Variants in NFKBIZ observed in about 807,000 individuals in gnomAD.
NFKBIZ encodes NF-kappa-B inhibitor zeta.
Under a neutral mutation model 76.8 loss-of-function variants are expected in NFKBIZ, and 19 were observed. The ratio of observed to expected loss-of-function variants is 0.25; its 90% confidence interval spans 0.17 to 0.36. The LOEUF (loss-of-function observed/expected upper bound fraction) is 0.36, where lower values mean the gene tolerates loss of function less well. Ranked by LOEUF, NFKBIZ falls within the 10% of genes least tolerant of loss-of-function variation. The probability of loss-of-function intolerance (pLI) is 1.00; values close to 1 mark genes in which losing one functional copy is unlikely to be tolerated. For missense variants in NFKBIZ, 829 were observed against 910.9 expected (o/e 0.91, Z 1.16); for synonymous variants, 368 against 354.8 (o/e 1.04, Z -0.42).
upstream of NFKBIZ, among the ~76,000 whole-genome samples, chr3:101,845,673 A>G (rs554626172): frequency 3.3e-5 from 5 of 152,354 alleles, no homozygotes; most frequent in African/African-American, 7.2e-5. Context: ...AATTGACACC[A>G]TAAAACTAAA....
Position 101,849,521 on chromosome 3 carries a change from C to G in NFKBIZ, c.-108C>G. On this transcript the variant is annotated 5_prime_UTR_variant, in exon 1 of 12. Transcript: ENST00000326172. ...CAGTCCCGCGCCGCGCCCGTACTGGCCCGCGCCGTCCGCCCGCCGACAGCT... is the reference window on the plus strand; with the variant it reads ...CAGTCCCGCGCCGCGCCCGTACTGGGCCGCGCCGTCCGCCCGCCGACAGCT... 1.0e-6 allele frequency: 1 copy of G among 1,004,476 alleles called. No individual in the cohort carries two copies. The allele number at this position is 1,004,476 out of a possible 1,614,324, so 62.2% of individuals were successfully genotyped here. A position where few individuals can be genotyped will look rare whatever the true frequency, so the allele number is the denominator to read the frequency against.
In NFKBIZ at chr3:101,856,131, A is replaced by T. The variant is rs184361115; in HGVS notation, c.1824+229A>T. The T allele has an allele frequency of 4.1e-3, 1,099 of 269,754 alleles. 9 individuals are homozygous for T. The highest frequency in any genetic ancestry group is 4.5e-3 in the Non-Finnish European group (636 of 141,408). 16.7% of individuals were successfully genotyped at this position (269,754 alleles called of 1,614,324 possible). A position where few individuals can be genotyped will look rare whatever the true frequency, so the allele number is the denominator to read the frequency against. On this transcript the variant is annotated intron_variant, in intron 9 of 11. Transcript: ENST00000326172. ...AGTGGTGCGATCTTGGCTCACTGCAACCTCCGACTCCCTGGTTCAAGCGAT... is the reference window on the plus strand; with the variant it reads ...AGTGGTGCGATCTTGGCTCACTGCATCCTCCGACTCCCTGGTTCAAGCGAT...
Position 101,854,644 on chromosome 3 carries a change from T to C in NFKBIZ, c.1404T>C (p.Asn468=). 1.2e-6 allele frequency: 2 copies of C among 1,614,012 alleles called. No individual in the cohort carries two copies. Among genetic ancestry groups the C allele is most frequent in the South Asian group, 1.1e-5 (1 of 91,076 alleles). ...ALSYVLARKM[N]ALHMLDIKEH... is the part of the protein sequence containing the mutation. Reference sequence around the variant, plus strand: ...CCTATGTTCTTGCAAGAAAGATGAATGCACTTCACATGCTGGATATTAAAG... The same window carrying C: ...CCTATGTTCTTGCAAGAAAGATGAACGCACTTCACATGCTGGATATTAAAG... Residue 468 remains asparagine, a synonymous_variant, in exon 6 of 12, where the codon AAT becomes AAC. Coordinates refer to ENST00000326172, the MANE Select transcript of NFKBIZ (RefSeq NM_031419.4).
chr3:101,830,657 A>G (rs1277524677), intron 2 of NFKBIZ, among the ~76,000 whole-genome samples: 1 of 152,152 alleles, frequency 6.6e-6, no homozygotes, highest in African/African-American at 2.4e-5. Flanking sequence ...ACATGATTCT[A>G]TTCTTTTTTA....
Position 101,857,440 on chromosome 3 carries a change from A to G in NFKBIZ, c.2084A>G (p.Asp695Gly). The part of the protein sequence containing the change: ...ENEQPVHLVP[D>G]GPVGEQIRRI... ...GAACAGCCAGTGCATTTGGTTCCCG[A>G]TGGCCCTGTGGGAGAACAGGTGAGA... The change falls in exon 11 of 12, where the codon GAT (aspartate) becomes GGT (glycine). Residue 695 changes from aspartate (D) to glycine (G), a missense_variant. Asp to Gly is a moderately conservative substitution (Grantham distance 94, BLOSUM62 -1). Coordinates refer to ENST00000326172, the MANE Select transcript of NFKBIZ (RefSeq NM_031419.4). The G allele has an allele frequency of 6.2e-7, 1 of 1,614,178 alleles. No homozygotes were observed. Among genetic ancestry groups the G allele is most frequent in the Non-Finnish European group, 8.5e-7 (1 of 1,180,044 alleles).
chr3:101,854,528 C>CT lies in NFKBIZ; in HGVS notation c.1338-48dup, dbSNP rs560489637. 1.3e-4 allele frequency: 126 copies of CT among 970,612 alleles called. 2 individuals are homozygous for CT. The South Asian group carries it at 1.4e-3, about 11-fold the overall frequency. 60.1% of individuals were successfully genotyped at this position (970,612 alleles called of 1,614,324 possible). ...TTTTTTTTTTTTTTCAAAAGAACAA[C>CT]TTAGTGAAATCAGAAGTGATTCACC... is the stretch of plus-strand genomic sequence containing the variant. On this transcript the variant is annotated intron_variant, in intron 5 of 11. Coordinates refer to ENST00000326172, the MANE Select transcript of NFKBIZ (RefSeq NM_031419.4).
At chr3:101,858,503 C>T (rs924603375) in intron 11 of NFKBIZ, 5 of 901,028 alleles carry the variant, frequency 5.5e-6, no homozygotes, top group Non-Finnish European at 5.3e-6. Context: ...TATAACTATG[C>T]TCTCAGGGAT....
intron 3 of NFKBIZ, 49 bp downstream of exon 3, chr3:101,852,817 A>G: frequency 6.2e-7 from 1 of 1,603,442 alleles, no homozygotes; most frequent in Non-Finnish European, 8.5e-7. Flanking sequence ...GGAGTAAATA[A>G]TAGAGTGTAA....
At chr3:101,841,472 TG>T (rs1159859608) in intron 2 of NFKBIZ, among the ~76,000 whole-genome samples, 2 of 152,202 alleles carry the variant, frequency 1.3e-5, no homozygotes, top group Admixed American at 6.5e-5. Flanking sequence ...AGTGTTTGTC[TG>T]AGGTACCGCT....
intron 2 of NFKBIZ, among the ~76,000 whole-genome samples, chr3:101,841,018 T>G (rs936431554): frequency 1.4e-4 from 22 of 152,232 alleles, no homozygotes; most frequent in African/African-American, 5.3e-4. Flanking sequence ...ATACAGTACT[T>G]AACGGGGTAT....
At position 101,854,325 on chromosome 3, in the gene NFKBIZ, A is replaced by T. The variant is rs541348407; in HGVS notation, c.1338-253A>T. On this transcript the variant is annotated intron_variant, in intron 5 of 11. Coordinates refer to ENST00000326172, the MANE Select transcript of NFKBIZ (RefSeq NM_031419.4). ...GTATAGGGGTTTTATGAGTATTAAAAATAATAGATTTAAGTTGATCAGTAT... is the reference window on the plus strand; with the variant it reads ...GTATAGGGGTTTTATGAGTATTAAATATAATAGATTTAAGTTGATCAGTAT... 2.6e-3 allele frequency among the ~76,000 whole-genome samples: 401 copies of T among 152,276 alleles called. 1 individual carries two copies. The highest frequency in any genetic ancestry group is 5.4e-3 in the South Asian group (26 of 4,828).
At chr3:101,851,886 A>G (rs1355181777) in intron 1 of NFKBIZ, among the ~76,000 whole-genome samples, 199 bp from the exon 2 acceptor site, 1 of 152,220 alleles carries the variant, frequency 6.6e-6, no homozygotes, top group Non-Finnish European at 1.5e-5. Flanking sequence ...CAGTGGAGAA[A>G]GGTATCAGGC....
At chr3:101,857,827 A>G (rs1943072817) in intron 11 of NFKBIZ, 3 of 981,592 alleles carry the variant, frequency 3.1e-6, no homozygotes, top group Non-Finnish European at 3.6e-6. Flanking sequence ...AATATTGTGG[A>G]TATTAAATGA....
chr3:101,853,947 C>A, intron 5 of NFKBIZ, 84 bp downstream of exon 5: 3 of 1,325,404 alleles, frequency 2.3e-6, no homozygotes, highest in Non-Finnish European at 3.1e-6. Context: ...TAGGGTATAA[C>A]AAGGTATACC....
At chr3:101,851,106 A>C (rs1262854180) in intron 1 of NFKBIZ, among the ~76,000 whole-genome samples, 1 of 152,264 alleles carries the variant, frequency 6.6e-6, no homozygotes, top group African/African-American at 2.4e-5. Context: ...CCTATCATTG[A>C]ACTGTTTATC....
chr3:101,846,189 A>G (rs968259212), upstream of NFKBIZ, among the ~76,000 whole-genome samples: 5 of 152,202 alleles, frequency 3.3e-5, no homozygotes, highest in African/African-American at 9.7e-5. Context: ...GCTCACTCAC[A>G]TGGCGGGCAT....
Position 101,843,020 on chromosome 3 carries a change from T to TAAAA in NFKBIZ, c.-11-9040_-11-9037dup, listed in dbSNP as rs35824432. On this transcript the variant is annotated intron_variant, in intron 2 of 12. Coordinates refer to the NFKBIZ transcript ENST00000394054. Reference sequence around the variant, plus strand: ...ATTTATTTTTAAAAACTGTATTTTCTAAAAAAAAAAAAAAAAAAAAAAAAA... The same window carrying TAAAA: ...ATTTATTTTTAAAAACTGTATTTTCTAAAAAAAAAAAAAAAAAAAAAAAAAAAAA... Among the ~76,000 whole-genome samples the TAAAA allele has an allele frequency of 1.4e-4, 9 of 66,456 alleles. 1 individual carries two copies. The highest frequency in any genetic ancestry group is 3.7e-4 in the African/African-American group (7 of 18,786). The allele number at this position is 66,456 out of a possible 152,430, so 43.6% of individuals were successfully genotyped here. A position where few individuals can be genotyped will look rare whatever the true frequency, so the allele number is the denominator to read the frequency against.
At chr3:101,849,452 C>A, upstream of NFKBIZ, 1 of 447,630 alleles carries the variant, frequency 2.2e-6, no homozygotes. Context: ...CCGGGCCGGG[C>A]GCCGGGGAGG....
Position 101,855,891 on chromosome 3 carries a change from G to A in NFKBIZ, c.1813G>A (p.Val605Met). ...IKCLIQMGAA[V>M]EAKDRKSGRT... ...GTGCCTAATTCAAATGGGAGCAGCG[G>A]TGGAAGCGAAGGTAAATTCACAGAA... Residue 605 changes from valine to methionine, a missense_variant, in exon 9 of 12, where the codon GTG (valine) becomes ATG (methionine). Physicochemically the swap from Val to Met is conservative, Grantham distance 21. Around this residue, in one of 4 missense-constraint regions of NFKBIZ, gnomAD observed 272 missense variants for 384.2 expected, o/e 0.71. Coordinates refer to ENST00000326172, the MANE Select transcript of NFKBIZ (RefSeq NM_031419.4). 6.2e-7 allele frequency: 1 copy of A among 1,606,678 alleles called. No homozygotes were observed.
Sources: allele counts gnomAD v4.1 joint callset (sites outside exome capture counted in the v4.1 genomes callset), GRCh38; gene constraint gnomAD v4.1.1; regional missense constraint gnomAD v4.1.1; transcripts MANE v1.5; gene names NCBI Gene and HGNC (gene_info 2026-07-23, HGNC 2026-07-21).